Variants in PDE1C observed in about 807,000 individuals in gnomAD.
PDE1C encodes the protein dual specificity calcium/calmodulin-dependent 3',5'-cyclic nucleotide phosphodiesterase 1C.
PDE1C carries 62 observed loss-of-function variants against 93.1 expected under a neutral mutation model. The ratio of observed to expected loss-of-function variants is 0.67; its 90% CI spans 0.54 to 0.82. PDE1C has a LOEUF of 0.82. PDE1C is among the 40% of genes least tolerant of loss of function. The pLI, the probability that PDE1C is intolerant of heterozygous loss-of-function variation, is 0.00. For synonymous variants in PDE1C, 325 were observed against 310.1 expected, an observed-to-expected ratio of 1.05 and a Z score of -0.50; for missense variants, 742 against 884.6, an observed-to-expected ratio of 0.84 and a Z score of 2.04.
chr7:31,696,598 G>T, the PDE1C span, among the ~76,000 whole-genome samples: 1 of 152,184 alleles, frequency 6.6e-6, no homozygotes, highest in Admixed American at 6.5e-5. Context: ...TGGCTGAAGA[G>T]GATGAGATTT....
chr7:31,681,784 G>T, the PDE1C span, among the ~76,000 whole-genome samples: 2 of 152,162 alleles, frequency 1.3e-5, no homozygotes, highest in African/African-American at 4.8e-5. Flanking sequence ...CCAAAAATTG[G>T]CTGCTTTATT....
Position 31,884,339 on chromosome 7 carries a change from G to GT in PDE1C, c.129-3480dup, listed in dbSNP as rs1454409746. Among the ~76,000 whole-genome samples the GT allele has an allele frequency of 2.0e-5, 3 of 152,150 alleles. No individual in the cohort carries two copies. The East Asian group carries it at 5.8e-4, about 29-fold the overall frequency. On this transcript the variant is annotated intron_variant, in intron 2 of 17. Coordinates refer to ENST00000396191, the MANE Select transcript of PDE1C (RefSeq NM_001191057.4). ...AAGTGAATTTTAGGGAGCATCTGCTGTGTGTTCAATACAATTCAAAAAAAA... is the reference window on the plus strand; with the variant it reads ...AAGTGAATTTTAGGGAGCATCTGCTGTTGTGTTCAATACAATTCAAAAAAAA...
In PDE1C at chr7:32,093,244, G is replaced by A. The variant is rs575205045; in HGVS notation, c.308+76541C>T. 3.9e-5 allele frequency among the ~76,000 whole-genome samples: 6 copies of A among 152,324 alleles called. No homozygotes were observed. The East Asian group carries it at 1.2e-3, about 29-fold the overall frequency. On this transcript the variant is annotated intron_variant, in intron 3 of 18. Coordinates refer to the PDE1C transcript ENST00000396193. ...AATGGCCAGTCTTCTGCAGTCACAAGAGTGGAGTCCTTGGTGAGAATTTAC... is the reference window on the plus strand; with the variant it reads ...AATGGCCAGTCTTCTGCAGTCACAAAAGTGGAGTCCTTGGTGAGAATTTAC...
intron 2 of PDE1C, among the ~76,000 whole-genome samples, chr7:31,965,925 A>G (rs1288490649): frequency 6.6e-6 from 1 of 152,202 alleles, no homozygotes; most frequent in Non-Finnish European, 1.5e-5. Context: ...TTTGGTCACC[A>G]CCAGGCCTGC....
At chr7:32,201,350 G>A (rs912280367) in intron 2 of PDE1C, among the ~76,000 whole-genome samples, 4 of 152,226 alleles carry the variant, frequency 2.6e-5, no homozygotes, top group South Asian at 2.1e-4. Context: ...GCCAAGTCAC[G>A]TCTTCCTTGC....
At chr7:32,129,733 A>G (rs1268428666) in intron 3 of PDE1C, among the ~76,000 whole-genome samples, 1 of 152,056 alleles carries the variant, frequency 6.6e-6, no homozygotes, top group Non-Finnish European at 1.5e-5. Context: ...AAACACATAA[A>G]TAGTCTTCTA....
chr7:32,414,029 A>G (rs1352129377), intron 1 of PDE1C, among the ~76,000 whole-genome samples: 1 of 151,940 alleles, frequency 6.6e-6, no homozygotes, highest in Non-Finnish European at 1.5e-5. Context: ...CCACAGCAAC[A>G]TAGTGAGACC....
At chr7:31,991,739 T>C (rs1784166926) in intron 2 of PDE1C, among the ~76,000 whole-genome samples, 1 of 152,216 alleles carries the variant, frequency 6.6e-6, no homozygotes, top group African/African-American at 2.4e-5. Context: ...TATATGCGTA[T>C]GTGTGTGGTA....
At chr7:31,763,479 G>A (rs1262266577) in intron 17 of PDE1C, among the ~76,000 whole-genome samples, 2 of 152,080 alleles carry the variant, frequency 1.3e-5, no homozygotes, top group African/African-American at 4.8e-5. Context: ...CATGGGCTTG[G>A]GGCACGTCAC....
intron 1 of PDE1C, among the ~76,000 whole-genome samples, chr7:32,404,219 G>A (rs6955875): frequency 0.075 from 11,366 of 152,244 alleles, 515 homozygotes; most frequent in Non-Finnish European, 0.096. Context: ...TGCTATGAGG[G>A]CTCAAGGAGG....
At chr7:32,287,080 T>C (rs1236909592) in intron 1 of PDE1C, among the ~76,000 whole-genome samples, 1 of 152,162 alleles carries the variant, frequency 6.6e-6, no homozygotes, top group African/African-American at 2.4e-5. Flanking sequence ...TGGCTAGTTA[T>C]TATTAACACA....
chr7:32,015,119 C>T (rs1036779833), intron 2 of PDE1C, among the ~76,000 whole-genome samples: 3 of 152,132 alleles, frequency 2.0e-5, no homozygotes, highest in African/African-American at 7.2e-5. Context: ...GCCTTACTTC[C>T]CTGTCACCTT....
chr7:32,402,658 T>G (rs1285010788), intron 1 of PDE1C, among the ~76,000 whole-genome samples: 1 of 152,174 alleles, frequency 6.6e-6, no homozygotes, highest in Non-Finnish European at 1.5e-5. Flanking sequence ...TACCAGCCAT[T>G]TGGGCATCCC....
the PDE1C span, among the ~76,000 whole-genome samples, chr7:31,693,161 G>C: frequency 6.6e-6 from 1 of 151,886 alleles, no homozygotes; most frequent in Non-Finnish European, 1.5e-5. Context: ...CTCCCCATTT[G>C]CCATCAAGAT....
At chr7:31,902,774 T>A (rs1308361855) in intron 2 of PDE1C, among the ~76,000 whole-genome samples, 1 of 151,140 alleles carries the variant, frequency 6.6e-6, no homozygotes, top group East Asian at 1.9e-4. Flanking sequence ...CAATTTAGAA[T>A]TATGTAATAT....
At chr7:31,688,519 A>G in the PDE1C span, among the ~76,000 whole-genome samples, 4 of 152,232 alleles carry the variant, frequency 2.6e-5, no homozygotes, top group East Asian at 1.9e-4. Flanking sequence ...CCTTTCTGCA[A>G]TATAGTGGGG....
rs896605287 is a variant in PDE1C at position 31,880,830 on chromosome 7, T to C, written c.159A>G (p.Arg53=). Reference sequence around the variant, plus strand: ...TAAGATCTACCACTGAAGCTTCCCCTCTCTCTAATTGTTTGACCAAAGACC... The same window carrying C: ...TAAGATCTACCACTGAAGCTTCCCCCCTCTCTAATTGTTTGACCAAAGACC... ...RLRSLVKQLE[R]GEASVVDLKK... The change falls in exon 3 of 18, where the codon AGA becomes AGG. Residue 53 remains arginine (R), a synonymous_variant. Transcript: ENST00000396191. 6.2e-7 allele frequency: 1 copy of C among 1,610,264 alleles called. No homozygotes were observed. Among genetic ancestry groups the C allele is most frequent in the Non-Finnish European group, 8.5e-7 (1 of 1,176,700 alleles).
chr7:32,176,862 AG>A (rs1803027652), intron 2 of PDE1C, among the ~76,000 whole-genome samples: 2 of 152,182 alleles, frequency 1.3e-5, no homozygotes, highest in Non-Finnish European at 2.9e-5. Flanking sequence ...TTATTCCAGG[AG>A]ACAGAAAATA....
At chr7:31,696,694 A>G in the PDE1C span, among the ~76,000 whole-genome samples, 11 of 152,312 alleles carry the variant, frequency 7.2e-5, no homozygotes, top group Admixed American at 5.9e-4. Flanking sequence ...GACTTCCCTC[A>G]GCTTTGTGAT....
Sources: allele counts gnomAD v4.1 joint callset (sites outside exome capture counted in the v4.1 genomes callset), GRCh38; gene constraint gnomAD v4.1.1; transcripts MANE v1.5; gene names NCBI Gene and HGNC (gene_info 2026-07-23, HGNC 2026-07-21).